Variants in RBPJ observed in about 807,000 individuals in gnomAD.
RBPJ encodes the protein recombination signal binding protein for immunoglobulin kappa J region, also known as recombining binding protein suppressor of hairless.
Under a neutral mutation model 67.8 loss-of-function variants are expected in RBPJ, and 9 were observed. That is an observed-to-expected ratio of 0.13 (90% CI 0.08 to 0.23). The LOEUF is 0.23. RBPJ is among the 10% of genes least tolerant of loss of function. The pLI is 1.00. For synonymous variants in RBPJ, 198 were observed against 203.3 expected, an observed-to-expected ratio of 0.97 and a Z score of 0.22; for missense variants, 305 against 595.6, an observed-to-expected ratio of 0.51 and a Z score of 5.08.
At chr4:26,311,782 C>T (rs1229078067) in intron 1 of RBPJ, among the ~76,000 whole-genome samples, 2 of 152,148 alleles carry the variant, frequency 1.3e-5, no homozygotes, top group East Asian at 1.9e-4. Flanking sequence ...AAGAATGATT[C>T]TCCCTGCATG....
chr4:26,371,793 A>G (rs770578483), intron 1 of RBPJ, among the ~76,000 whole-genome samples: 1 of 152,236 alleles, frequency 6.6e-6, no homozygotes, highest in African/African-American at 2.4e-5. Flanking sequence ...TTAAATAATG[A>G]TAGGTGGTTT....
intron 3 of RBPJ, among the ~76,000 whole-genome samples, chr4:26,408,742 T>C (rs1733728239): frequency 6.6e-6 from 1 of 152,184 alleles, no homozygotes; most frequent in African/African-American, 2.4e-5. Flanking sequence ...TGTGTCCAGG[T>C]TGACATTAGT....
At chr4:26,392,401 T>C (rs1005321604) in intron 2 of RBPJ, among the ~76,000 whole-genome samples, 3 of 152,192 alleles carry the variant, frequency 2.0e-5, no homozygotes, top group Non-Finnish European at 4.4e-5. Flanking sequence ...TAGTCACACA[T>C]ACATAACCCC....
chr4:26,153,802 A>G, the RBPJ span, among the ~76,000 whole-genome samples: 1 of 152,180 alleles, frequency 6.6e-6, no homozygotes, highest in African/African-American at 2.4e-5. Flanking sequence ...GCAACTCATA[A>G]CATGAGGTCA....
intron 1 of RBPJ, among the ~76,000 whole-genome samples, chr4:26,246,048 C>T (rs147676967): frequency 6.6e-6 from 1 of 152,210 alleles, no homozygotes; most frequent in South Asian, 2.1e-4. Flanking sequence ...TATTCTGAGC[C>T]CCTTTCATTC....
intron 1 of RBPJ, among the ~76,000 whole-genome samples, chr4:26,363,760 T>C (rs185678009): frequency 3.3e-5 from 5 of 152,324 alleles, no homozygotes; most frequent in African/African-American, 1.2e-4. Flanking sequence ...ATTTAAAAAA[T>C]TAATATTGTG....
chr4:26,219,140 G>A (rs1404811184), intron 1 of RBPJ, among the ~76,000 whole-genome samples: 1 of 152,212 alleles, frequency 6.6e-6, no homozygotes, highest in African/African-American at 2.4e-5. Context: ...ATAAGGGCAG[G>A]ATTGTTTTAT....
the RBPJ span, among the ~76,000 whole-genome samples, chr4:26,151,682 G>A: frequency 1.5e-3 from 228 of 152,296 alleles, 1 homozygote; most frequent in African/African-American, 5.2e-3. Context: ...ACAGCCTTCC[G>A]ACTACCCAGT....
intron 1 of RBPJ, among the ~76,000 whole-genome samples, chr4:26,191,646 A>G (rs1049825458): frequency 2.0e-5 from 3 of 152,196 alleles, no homozygotes; most frequent in African/African-American, 7.2e-5. Flanking sequence ...TGCAAGACCC[A>G]CTTAACTCTC....
At chr4:26,215,971 G>A (rs995778061) in intron 1 of RBPJ, among the ~76,000 whole-genome samples, 1 of 152,136 alleles carries the variant, frequency 6.6e-6, no homozygotes, top group Non-Finnish European at 1.5e-5. Context: ...CTCTGTCAGA[G>A]TTCTGGAGAC....
intron 1 of RBPJ, among the ~76,000 whole-genome samples, chr4:26,178,645 C>G (rs1716879542): frequency 6.6e-6 from 1 of 150,734 alleles, no homozygotes; most frequent in Non-Finnish European, 1.5e-5. Context: ...CCCAGACCCC[C>G]TTAGCCTCAG....
intron 1 of RBPJ, among the ~76,000 whole-genome samples, chr4:26,223,929 C>T (rs1718997926): frequency 6.6e-6 from 1 of 152,164 alleles, no homozygotes; most frequent in African/African-American, 2.4e-5. Flanking sequence ...ATGACCTTGG[C>T]AAATTACTTG....
intron 1 of RBPJ, among the ~76,000 whole-genome samples, chr4:26,370,849 G>A (rs1729083464): frequency 1.3e-5 from 2 of 152,040 alleles, no homozygotes. Context: ...GGGAGACCGA[G>A]GCCGGCAGAT....
chr4:26,399,744 G>A (rs191077361), intron 2 of RBPJ, among the ~76,000 whole-genome samples: 10 of 152,078 alleles, frequency 6.6e-5, no homozygotes, highest in African/African-American at 2.4e-4. Flanking sequence ...GGAGTGCAAT[G>A]GTGCGATCTT....
At position 26,430,183 on chromosome 4, in the gene RBPJ, C is replaced by G. The variant is rs576087958; in HGVS notation, c.1044+130C>G. On this transcript the variant is annotated intron_variant, in intron 9 of 10. Transcript: ENST00000355476. The surrounding 1 kb of genome is among the most constrained non-coding windows in gnomAD (Gnocchi z 4.1). The stretch of plus-strand genomic sequence containing the variant: ...CTGATTAGGGGATTTTTATATACAC[C>G]ATTTGTTGATTTAAAGAAAAAAAAA... 260 of 1,087,850 alleles carry G rather than the reference C, an allele frequency of 2.4e-4. No homozygotes were observed. In the African/African-American group the frequency reaches 3.5e-3, roughly 15 times the overall value. The allele number at this position is 1,087,850 out of a possible 1,614,324, so 67.4% of individuals were successfully genotyped here.
At chr4:26,415,143 AAT>A (rs1367777309) in intron 3 of RBPJ, among the ~76,000 whole-genome samples, 7 of 152,176 alleles carry the variant, frequency 4.6e-5, no homozygotes, top group Non-Finnish European at 7.3e-5. Context: ...CGTGTTTTGT[AAT>A]ATGTTAGAGT....
At chr4:26,271,032 G>T (rs940145260) in intron 1 of RBPJ, among the ~76,000 whole-genome samples, 1 of 149,836 alleles carries the variant, frequency 6.7e-6, no homozygotes, top group African/African-American at 2.5e-5. Flanking sequence ...ATTCTATTTT[G>T]TTATTAATTA....
upstream of RBPJ, chr4:26,320,851 T>A (rs1455799302): frequency 6.4e-7 from 1 of 1,569,020 alleles, no homozygotes; most frequent in Non-Finnish European, 8.6e-7. Context: ...CAGGATCCCC[T>A]ACTCTGCGGG....
the RBPJ span, among the ~76,000 whole-genome samples, chr4:26,150,652 AC>A: frequency 7.9e-5 from 12 of 152,222 alleles, no homozygotes; most frequent in African/African-American, 2.7e-4. Context: ...CACTGAAAGA[AC>A]TTAAAACAGT....
Sources: allele counts gnomAD v4.1 joint callset (sites outside exome capture counted in the v4.1 genomes callset), GRCh38; gene constraint gnomAD v4.1.1; non-coding constraint Gnocchi (gnomAD v3.1); transcripts MANE v1.5; gene names NCBI Gene and HGNC (gene_info 2026-07-23, HGNC 2026-07-21).